The following MORC1 variants were observed in gnomAD, a reference collection of about 807,000 sequenced individuals.
MORC1 encodes MORC family CW-type zinc finger 1, also known as MORC family CW-type zinc finger protein 1.
MORC1 carries 59 observed loss-of-function variants against 134.9 expected under a neutral mutation model. That is an observed-to-expected ratio of 0.44 (90% confidence interval 0.35 to 0.54). MORC1 has a LOEUF of 0.54. Among genes scored for constraint, MORC1 ranks in the 20% least tolerant of loss-of-function variants. The pLI is 0.00. For synonymous variants in MORC1, 395 were observed against 391.7 expected (o/e 1.01, Z -0.10); for missense variants, 947 against 1,134.5 (o/e 0.83, Z 2.37).
At chr3:108,968,966 T>A (rs893152998) in intron 26 of MORC1, among the ~76,000 whole-genome samples, 1 of 150,548 alleles carries the variant, frequency 6.6e-6, no homozygotes, top group Admixed American at 6.6e-5. Flanking sequence ...TTTTTTTTTT[T>A]ATTATTAAGT....
At chr3:109,109,888 A>G (rs192167131) in intron 3 of MORC1, 6 of 152,364 alleles carry the variant, frequency 3.9e-5, no homozygotes, top group Admixed American at 2.6e-4. Context: ...CTGCAAGTCC[A>G]TTTGCTCTCT....
At chr3:108,998,461 A>T (rs1404946244) in intron 21 of MORC1, among the ~76,000 whole-genome samples, 1 of 152,030 alleles carries the variant, frequency 6.6e-6, no homozygotes, top group East Asian at 1.9e-4. Context: ...CAGGGGAGGG[A>T]GTCTTTTGTG....
At chr3:109,089,565 A>G (rs1950677731) in intron 8 of MORC1, among the ~76,000 whole-genome samples, 1 of 152,150 alleles carries the variant, frequency 6.6e-6, no homozygotes. Flanking sequence ...GCCACCAATA[A>G]GATAGAGGGA....
intron 8 of MORC1, among the ~76,000 whole-genome samples, chr3:109,070,007 C>A (rs768046493): frequency 6.6e-6 from 1 of 152,140 alleles, no homozygotes; most frequent in African/African-American, 2.4e-5. Flanking sequence ...TGTTGGCAAC[C>A]AACTTATTCT....
intron 24 of MORC1, among the ~76,000 whole-genome samples, chr3:108,975,388 CTTTT>C (rs537108773): frequency 3.3e-5 from 5 of 151,872 alleles, no homozygotes; most frequent in African/African-American, 1.2e-4. Flanking sequence ...CTTTTTAAAA[CTTTT>C]TTTTGGTATT....
Position 109,059,880 on chromosome 3 carries a change from T to C in MORC1, c.967-10A>G, listed in dbSNP as rs371805794. On this transcript the variant is annotated splice_polypyrimidine_tract_variant and intron_variant, in intron 11 of 27. Coordinates refer to ENST00000232603, the MANE Select transcript of MORC1 (RefSeq NM_014429.4). ...CTCTCTGTAATACATCCTGGAGAAA[T>C]GCATTGGTTGGGAGAGAACATAATG... 5.6e-6 allele frequency: 9 copies of C among 1,609,638 alleles called. No individual in the cohort carries two copies. Among genetic ancestry groups the C allele is most frequent in the Non-Finnish European group, 7.6e-6 (9 of 1,177,846 alleles).
In MORC1 at chr3:109,005,114, G is replaced by C. The variant is rs772303818; in HGVS notation, c.1969C>G (p.Pro657Ala). The C allele has an allele frequency of 6.2e-7, 1 of 1,612,954 alleles. No individual in the cohort carries two copies. Among genetic ancestry groups the C allele is most frequent in the South Asian group, 1.1e-5 (1 of 90,696 alleles). Reference sequence around the variant, plus strand: ...TTGACATTTTCTGGCAGAGCTACTGGAATTCTCTGCTGTTGAGAGTTCATT... The same window carrying C: ...TTGACATTTTCTGGCAGAGCTACTGCAATTCTCTGCTGTTGAGAGTTCATT... ...EKMNSQQQRI[P>A]VALPENVKLA... The change falls in exon 19 of 28, where the codon CCA becomes GCA. Residue 657 changes from proline to alanine, a missense_variant. Transcript: ENST00000232603.
Position 109,062,046 on chromosome 3 carries a change from A to C in MORC1, c.908T>G (p.Leu303Trp). 1 of 1,614,022 alleles carries C rather than the reference A, an allele frequency of 6.2e-7. No individual in the cohort carries two copies. Among genetic ancestry groups the C allele is most frequent in the Non-Finnish European group, 8.5e-7 (1 of 1,179,936 alleles). The change falls in exon 11 of 28, where the codon TTG becomes TGG. Residue 303 changes from leucine (L) to tryptophan (W), a missense_variant. Physicochemically the swap from Leu to Trp is moderately conservative, Grantham distance 61. This residue lies in a region of MORC1 where 722 missense variants were observed against 817.0 expected (regional missense o/e 0.88). Coordinates refer to ENST00000232603, the MANE Select transcript of MORC1 (RefSeq NM_014429.4). Reference sequence around the variant, plus strand: ...GTTTACTTTGATTTGTGCTTCTTTCAATATGGATTCAGCTGGAAGTAGAAG... The same window carrying C: ...GTTTACTTTGATTTGTGCTTCTTTCCATATGGATTCAGCTGGAAGTAGAAG... ...EEAVKIAESI[L>W]KEAQIKVNQC... is the part of the protein sequence containing the mutation.
rs1361853929 is a variant in MORC1 at position 109,005,325 on chromosome 3, C to A, written c.1768-10G>T. The A allele has an allele frequency of 1.3e-6, 2 of 1,574,274 alleles. No homozygotes were observed. Among genetic ancestry groups the A allele is most frequent in the Middle Eastern group, 1.7e-4 (1 of 5,882 alleles). On this transcript the variant is annotated splice_polypyrimidine_tract_variant and intron_variant, in intron 18 of 27. Transcript: ENST00000232603. Reference sequence around the variant, plus strand: ...GGGTTTTGGTATTTTCCTTAAATAACAAAGAACATGTTTTTATTTTTTGGT... The same window carrying A: ...GGGTTTTGGTATTTTCCTTAAATAAAAAAGAACATGTTTTTATTTTTTGGT...
At chr3:109,011,587 T>A (rs912884693) in intron 17 of MORC1, among the ~76,000 whole-genome samples, 3 of 151,010 alleles carry the variant, frequency 2.0e-5, no homozygotes, top group African/African-American at 4.9e-5. Flanking sequence ...AATGGCACAA[T>A]CTGAGCTCAC....
At chr3:109,040,885 TG>T (rs1231202334) in intron 14 of MORC1, among the ~76,000 whole-genome samples, 1 of 146,650 alleles carries the variant, frequency 6.8e-6, no homozygotes, top group Non-Finnish European at 1.5e-5. Flanking sequence ...AAGAAAATGA[TG>T]TATGAACAAA....
chr3:109,013,697 A>T (rs1003987288), intron 17 of MORC1, among the ~76,000 whole-genome samples: 1 of 152,176 alleles, frequency 6.6e-6, no homozygotes, highest in African/African-American at 2.4e-5. Context: ...AGCCCTGAGA[A>T]ATATGTTGAT....
chr3:109,114,721 A>G (rs1396188175), intron 1 of MORC1, among the ~76,000 whole-genome samples: 1 of 152,260 alleles, frequency 6.6e-6, no homozygotes, highest in African/African-American at 2.4e-5. Context: ...TGACCTTTTA[A>G]TATTACTTTA....
At chr3:109,046,034 A>C (rs1323402330) in intron 14 of MORC1, among the ~76,000 whole-genome samples, 1 of 152,156 alleles carries the variant, frequency 6.6e-6, no homozygotes. Flanking sequence ...AAAATAAACA[A>C]ATTATGAATT....
At chr3:108,983,725 A>G (rs978116133) in intron 23 of MORC1, among the ~76,000 whole-genome samples, 5 of 152,172 alleles carry the variant, frequency 3.3e-5, no homozygotes, top group Non-Finnish European at 7.3e-5. Context: ...CTCTGTGAAT[A>G]CCTGAGTTTG....
intron 14 of MORC1, among the ~76,000 whole-genome samples, chr3:109,037,482 T>G (rs1235018421): frequency 6.6e-6 from 1 of 152,256 alleles, no homozygotes; most frequent in Non-Finnish European, 1.5e-5. Context: ...AGGGTACATG[T>G]GCACAACGTG....
At chr3:109,051,887 G>T (rs1949839494) in intron 14 of MORC1, among the ~76,000 whole-genome samples, 1 of 151,884 alleles carries the variant, frequency 6.6e-6, no homozygotes, top group Admixed American at 6.6e-5. Flanking sequence ...ACCAAGCAAA[G>T]GGGCTTCGAG....
intron 21 of MORC1, among the ~76,000 whole-genome samples, chr3:108,996,284 G>GCGCGCGCGCACACACA (rs1553745310): frequency 1.3e-5 from 1 of 77,536 alleles, no homozygotes; most frequent in Non-Finnish European, 3.2e-5. Flanking sequence ...GTGCGCGCGC[G>GCGCGCGCGCACACACA]CGCACACACA....
At chr3:109,102,637 G>C (rs1950950659) in intron 4 of MORC1, among the ~76,000 whole-genome samples, 1 of 152,116 alleles carries the variant, frequency 6.6e-6, no homozygotes, top group Non-Finnish European at 1.5e-5. Context: ...AGTTCCTTCT[G>C]AAGGTCTGAA....
Sources: allele counts gnomAD v4.1 joint callset (sites outside exome capture counted in the v4.1 genomes callset), GRCh38; gene constraint gnomAD v4.1.1; regional missense constraint gnomAD v4.1.1; transcripts MANE v1.5; gene names NCBI Gene and HGNC (gene_info 2026-07-23, HGNC 2026-07-21).